MROH1: variants seen among roughly 807,000 people sequenced by gnomAD.
MROH1 encodes the protein maestro heat-like repeat-containing protein family member 1.
Under a neutral mutation model 116.5 loss-of-function variants are expected in MROH1, and 117 were observed. That is an observed-to-expected ratio of 1.00 (90% CI 0.86 to 1.17). The LOEUF is 1.17. Ranked by LOEUF, MROH1 falls within the 50% of genes most tolerant of loss-of-function variation. MROH1 has a pLI of 0.00. For missense variants in MROH1, 1,873 were observed against 1,338.5 expected (o/e 1.40, Z -6.23); for synonymous variants, 921 against 583.9 (o/e 1.58, Z -8.32).
intron 12 of MROH1, among the ~76,000 whole-genome samples, chr8:144,218,625 CTGAACTTCAG>C (rs999958115): frequency 2.7e-5 from 4 of 146,858 alleles, no homozygotes; most frequent in South Asian, 2.2e-4. Context: ...CTGAACTTCA[CTGAACTTCAG>C]TGGTCCTTTA....
intron 14 of MROH1, among the ~76,000 whole-genome samples, chr8:144,224,567 T>A (rs991382859): frequency 4.6e-5 from 7 of 152,212 alleles, no homozygotes; most frequent in Non-Finnish European, 5.9e-5. Context: ...CACCCAGCAC[T>A]CAAATGTGTT....
At chr8:144,249,114 G>A in intron 32 of MROH1, 85 bp downstream of exon 32, 1 of 698,862 alleles carries the variant, frequency 1.4e-6, no homozygotes, top group Non-Finnish European at 2.6e-6. Flanking sequence ...GTGGGGTAGT[G>A]GCTCTTGGAG....
chr8:144,242,138 G>A, intron 22 of MROH1: 1 of 619,558 alleles, frequency 1.6e-6, no homozygotes, highest in East Asian at 2.8e-5. Flanking sequence ...CTGTTACTCG[G>A]TACCCAGTGG....
intron 12 of MROH1, chr8:144,213,106 C>T (rs74345248): frequency 0.032 from 24,925 of 774,934 alleles, 716 homozygotes; most frequent in Admixed American, 0.085. Flanking sequence ...CGGCCGCGCC[C>T]GCGTCTGTTG....
intron 7 of MROH1, among the ~76,000 whole-genome samples, chr8:144,186,120 A>G (rs941564876): frequency 2.9e-5 from 4 of 137,244 alleles, no homozygotes; most frequent in African/African-American, 1.1e-4. Context: ...ACAGTTTCCA[A>G]TTTTTTTTTT....
At chr8:144,153,151 C>T (rs1230455936) in intron 1 of MROH1, among the ~76,000 whole-genome samples, 1 of 151,946 alleles carries the variant, frequency 6.6e-6, no homozygotes, top group Non-Finnish European at 1.5e-5. Flanking sequence ...TTTTACTTTA[C>T]GTAATGTCCT....
chr8:144,251,949 G>A (rs1842905398), intron 33 of MROH1: 1 of 227,148 alleles, frequency 4.4e-6, no homozygotes, highest in Non-Finnish European at 8.9e-6. Flanking sequence ...TCCTTGCCAG[G>A]TAGTGCCGGG....
intron 12 of MROH1, among the ~76,000 whole-genome samples, chr8:144,202,665 G>GAA (rs1487287976): frequency 2.9e-5 from 4 of 135,618 alleles, no homozygotes; most frequent in Admixed American, 7.2e-5. Flanking sequence ...AGGCGGGGAG[G>GAA]GGGAGCACCC....
chr8:144,246,089 C>T (rs1043307735), intron 29 of MROH1, among the ~76,000 whole-genome samples: 7 of 122,244 alleles, frequency 5.7e-5, no homozygotes, highest in African/African-American at 2.2e-4. Context: ...TCCTTTCCTT[C>T]CTTTCCTTCC....
chr8:144,257,305 A>G (rs1305887274), intron 35 of MROH1, among the ~76,000 whole-genome samples: 1 of 152,026 alleles, frequency 6.6e-6, no homozygotes, highest in Non-Finnish European at 1.5e-5. Flanking sequence ...GCCTGGGGAC[A>G]CTCATCAAGG....
At position 144,190,766 on chromosome 8, in the gene MROH1, C is replaced by A. The variant is rs547219792; in HGVS notation, c.563-18C>A. Reference sequence around the variant, plus strand: ...AAACCCATGGCCTGCAGCCACTTACCACTGGCCGGTTTTGTAGCTCTGCAG... The same window carrying A: ...AAACCCATGGCCTGCAGCCACTTACAACTGGCCGGTTTTGTAGCTCTGCAG... On this transcript the variant is annotated intron_variant, in intron 7 of 43. Transcript: ENST00000326134. 9.9e-6 allele frequency: 16 copies of A among 1,610,398 alleles called. No homozygotes were observed. In the South Asian group the frequency reaches 1.8e-4, roughly 18 times the overall value.
At position 144,220,605 on chromosome 8, in the gene MROH1, C is replaced by A; in HGVS notation, c.1147C>A (p.Gln383Lys). The change falls in exon 13 of 44, where the codon CAG becomes AAG. Residue 383 changes from glutamine to lysine, a missense_variant. Gln to Lys is a moderately conservative substitution (Grantham distance 53, BLOSUM62 1). Transcript: ENST00000326134. ...VRHVINSAAAQMEDKKPFILS... is the reference protein window; with the variant it reads ...VRHVINSAAAKMEDKKPFILS... ...GTCCTGTTTGTTTCTTGCAGCTGCT[C>A]AGATGGAAGATAAAAAGCCCTTTAT... The A allele has an allele frequency of 6.4e-7, 1 of 1,572,446 alleles. No individual in the cohort carries two copies. Among genetic ancestry groups the A allele is most frequent in the South Asian group, 1.2e-5 (1 of 85,558 alleles).
intron 14 of MROH1, among the ~76,000 whole-genome samples, chr8:144,233,839 A>G (rs1406277596): frequency 2.0e-5 from 3 of 152,182 alleles, no homozygotes; most frequent in African/African-American, 4.8e-5. Flanking sequence ...GGGAAATACA[A>G]GTTCTCCAAC....
chr8:144,259,620 C>T (rs906962524), intron 37 of MROH1, among the ~76,000 whole-genome samples: 1 of 152,250 alleles, frequency 6.6e-6, no homozygotes, highest in Non-Finnish European at 1.5e-5. Flanking sequence ...TGTAGCTGGA[C>T]AGGGCTGGCC....
intron 4 of MROH1, chr8:144,174,803 G>C: frequency 8.1e-6 from 8 of 984,716 alleles, no homozygotes; most frequent in Non-Finnish European, 9.6e-6. Context: ...TTTGTAAAAT[G>C]TAGATTCCTA....
At chr8:144,233,718 G>C (rs73370495) in intron 14 of MROH1, among the ~76,000 whole-genome samples, 1 of 152,194 alleles carries the variant, frequency 6.6e-6, no homozygotes, top group African/African-American at 2.4e-5. Context: ...TGGAGATGGC[G>C]AAGTGCTTAT....
At chr8:144,209,694 A>G (rs1032652330) in intron 12 of MROH1, among the ~76,000 whole-genome samples, 1 of 151,962 alleles carries the variant, frequency 6.6e-6, no homozygotes, top group South Asian at 2.1e-4. Context: ...AGATCGCTTT[A>G]TCCTAGGAGC....
chr8:144,199,091 G>A (rs761930700), intron 10 of MROH1, 31 bp from the exon 11 acceptor site: 7 of 1,606,190 alleles, frequency 4.4e-6, no homozygotes, highest in Non-Finnish European at 6.0e-6. Context: ...GGCCTCTCTG[G>A]TCTATAACCT....
At chr8:144,181,171 G>T (rs1825533512) in intron 7 of MROH1, among the ~76,000 whole-genome samples, 2 of 151,868 alleles carry the variant, frequency 1.3e-5, no homozygotes, top group Non-Finnish European at 2.9e-5. Flanking sequence ...CTGGTAGCTG[G>T]CCGGGAGGAG....
Sources: allele counts gnomAD v4.1 joint callset (sites outside exome capture counted in the v4.1 genomes callset), GRCh38; gene constraint gnomAD v4.1.1; transcripts MANE v1.5; gene names NCBI Gene and HGNC (gene_info 2026-07-23, HGNC 2026-07-21).